Variants in JAM3 observed in about 807,000 individuals in gnomAD.
JAM3 encodes the protein junctional adhesion molecule 3, also known as junctional adhesion molecule C.
In JAM3, 31 loss-of-function variants were observed where a neutral mutation model predicts 39.4. The observed-to-expected ratio is 0.79, with a 90% confidence interval of 0.59 to 1.06. The LOEUF is 1.06. Among genes scored for constraint, JAM3 ranks in the 50% least tolerant of loss-of-function variants. The probability of loss-of-function intolerance (pLI) is 0.00; values close to 1 mark genes in which losing one functional copy is unlikely to be tolerated. For missense variants in JAM3, 455 were observed against 391.4 expected, an observed-to-expected ratio of 1.16 and a Z score of -1.37; for synonymous variants, 182 against 148.7, an observed-to-expected ratio of 1.22 and a Z score of -1.63.
In JAM3 at chr11:134,149,424, G is replaced by A. The variant is rs1943149166; in HGVS notation, c.*243G>A. 2 of 607,534 alleles carry A rather than the reference G, an allele frequency of 3.3e-6. No homozygotes were observed. The highest frequency in any genetic ancestry group is 3.7e-5 in the African/African-American group (2 of 54,326). The allele number at this position is 607,534 out of a possible 1,614,324, so 37.6% of individuals were successfully genotyped here. Reference sequence around the variant, plus strand: ...GGAAGCGAAACTGGGTGCGTTCACTGAGTTGGGTTCCTAATCTGTTTCTGG... The same window carrying A: ...GGAAGCGAAACTGGGTGCGTTCACTAAGTTGGGTTCCTAATCTGTTTCTGG... On this transcript the variant is annotated 3_prime_UTR_variant, in exon 9 of 9. Coordinates refer to ENST00000299106, the MANE Select transcript of JAM3 (RefSeq NM_032801.5).
chr11:134,115,555 C>G (rs527388145), intron 1 of JAM3, among the ~76,000 whole-genome samples: 1 of 152,124 alleles, frequency 6.6e-6, no homozygotes, highest in Non-Finnish European at 1.5e-5. Flanking sequence ...TGCAGAAAGT[C>G]TTCAATTTGA....
chr11:134,120,803 C>T (rs1942516846), intron 1 of JAM3, among the ~76,000 whole-genome samples: 1 of 152,204 alleles, frequency 6.6e-6, no homozygotes, highest in Non-Finnish European at 1.5e-5. Context: ...ATGAGCCAGG[C>T]TCTATGGAAT....
At chr11:134,132,941 T>C (rs534855844) in intron 1 of JAM3, among the ~76,000 whole-genome samples, 141 of 152,368 alleles carry the variant, frequency 9.3e-4, no homozygotes, top group Non-Finnish European at 1.7e-3. Flanking sequence ...GTTTCTGCTC[T>C]GCAGGTTGGG....
intron 1 of JAM3, among the ~76,000 whole-genome samples, chr11:134,083,849 G>C (rs1174983980): frequency 2.0e-5 from 3 of 152,188 alleles, no homozygotes; most frequent in Non-Finnish European, 4.4e-5. Flanking sequence ...CATCATGGCA[G>C]AAATCGCTGG....
chr11:134,122,559 C>T (rs537479359), intron 1 of JAM3, among the ~76,000 whole-genome samples: 43 of 152,198 alleles, frequency 2.8e-4, no homozygotes, highest in Non-Finnish European at 4.7e-4. Context: ...CGTTGCCCAA[C>T]GTTGCTTTTC....
intron 1 of JAM3, among the ~76,000 whole-genome samples, chr11:134,089,066 G>A (rs1941795906): frequency 6.6e-6 from 1 of 152,214 alleles, no homozygotes; most frequent in Non-Finnish European, 1.5e-5. Flanking sequence ...GAGAACTATG[G>A]AATTCCATGC....
In JAM3 at chr11:134,078,211, C is replaced by T. The variant is rs895476849; in HGVS notation, c.76+9052C>T. On this transcript the variant is annotated intron_variant, in intron 1 of 8. Coordinates refer to ENST00000299106, the MANE Select transcript of JAM3 (RefSeq NM_032801.5). ...CTCGGCCCACTGCAACCACCACCTT[C>T]CAAGTTCAAGCGATTCTCCCGCCTC... Among the ~76,000 whole-genome samples the T allele has an allele frequency of 2.6e-5, 4 of 151,726 alleles. No homozygotes were observed. In the South Asian group the frequency reaches 6.3e-4, roughly 24 times the overall value.
In JAM3 at chr11:134,102,206, A is replaced by C. The variant is rs142926602; in HGVS notation, c.76+33047A>C. ...TCATATAAAACCCAGACAGTTCAGC[A>C]GTATTCGCTGTCCTGCAGCCTCCGC... On this transcript the variant is annotated intron_variant, in intron 1 of 8. Coordinates refer to ENST00000299106, the MANE Select transcript of JAM3 (RefSeq NM_032801.5). 2.5e-3 allele frequency among the ~76,000 whole-genome samples: 384 copies of C among 152,328 alleles called. 1 individual carries two copies. The highest frequency in any genetic ancestry group is 8.6e-3 in the African/African-American group (357 of 41,568).
chr11:134,135,796 C>T (rs567809067), intron 1 of JAM3, among the ~76,000 whole-genome samples: 85 of 152,000 alleles, frequency 5.6e-4, no homozygotes, highest in Non-Finnish European at 1.0e-3. Flanking sequence ...TGGCCAGGCG[C>T]GGTGGCCCAC....
chr11:134,144,053 G>C (rs1444591916), intron 3 of JAM3, among the ~76,000 whole-genome samples, 188 bp from the exon 4 acceptor site: 1 of 152,096 alleles, frequency 6.6e-6, no homozygotes, highest in Non-Finnish European at 1.5e-5. Flanking sequence ...TGGTGTTTAG[G>C]TTACAGATAG....
Position 134,144,411 on chromosome 11 carries a change from G to A in JAM3, c.409+18G>A, listed in dbSNP as rs975702687. ...TGTGCAAGGTAGGAGCTCATGCGAA[G>A]GTGAGACATTGCCACCATAGGATGC... On this transcript the variant is annotated intron_variant, in intron 4 of 8. Transcript: ENST00000299106. The A allele has an allele frequency of 1.9e-6, 3 of 1,613,986 alleles. No homozygotes were observed. Among genetic ancestry groups the A allele is most frequent in the Admixed American group, 3.3e-5 (2 of 60,022 alleles).
chr11:134,094,397 A>C (rs1312093062), intron 1 of JAM3, among the ~76,000 whole-genome samples: 1 of 133,416 alleles, frequency 7.5e-6, no homozygotes, highest in Non-Finnish European at 1.6e-5. Flanking sequence ...CTCCTTATTC[A>C]TCATGTTCCA....
Position 134,145,956 on chromosome 11 carries a change from C to G in JAM3, c.623C>G (p.Ala208Gly), listed in dbSNP as rs765652742. 4.3e-6 allele frequency: 7 copies of G among 1,611,844 alleles called. No homozygotes were observed. The highest frequency in any genetic ancestry group is 1.7e-6 in the Non-Finnish European group (2 of 1,177,884). ...NSETGTLVFTAVHKDDSGQYY... is the reference protein window; with the variant it reads ...NSETGTLVFTGVHKDDSGQYY... ...CATTCCCTGAAACAGGTGTTCACTG[C>G]TGTTCACAAGGACGACTCTGGGCAG... The change falls in exon 6 of 9, where the codon GCT becomes GGT. Residue 208 changes from alanine (A) to glycine (G), a missense_variant. Transcript: ENST00000299106.
chr11:134,126,835 G>A (rs1290087052), intron 1 of JAM3, among the ~76,000 whole-genome samples: 1 of 152,186 alleles, frequency 6.6e-6, no homozygotes, highest in East Asian at 1.9e-4. Flanking sequence ...AAATCCCACT[G>A]ATTATTAGCT....
chr11:134,125,012 C>T (rs952090539), intron 1 of JAM3, among the ~76,000 whole-genome samples: 1 of 152,236 alleles, frequency 6.6e-6, no homozygotes, highest in Admixed American at 6.5e-5. Context: ...CCTCAGCGCG[C>T]GACACCCGCC....
chr11:134,121,853 C>A (rs879658946), intron 1 of JAM3, among the ~76,000 whole-genome samples: 6 of 139,484 alleles, frequency 4.3e-5, no homozygotes, highest in East Asian at 2.0e-4. Context: ...ACACACACAC[C>A]CTCCTCCCAA....
At chr11:134,131,449 C>A (rs1233808179) in intron 1 of JAM3, among the ~76,000 whole-genome samples, 1 of 151,896 alleles carries the variant, frequency 6.6e-6, no homozygotes, top group African/African-American at 2.4e-5. Context: ...GGAGGGGGGA[C>A]AATCTGATTT....
chr11:134,081,730 G>T (rs373908572), intron 1 of JAM3, among the ~76,000 whole-genome samples: 1 of 152,216 alleles, frequency 6.6e-6, no homozygotes, highest in African/African-American at 2.4e-5. Context: ...CCTACACAGA[G>T]TCCCTACTGG....
chr11:134,129,928 G>A (rs1326862878), intron 1 of JAM3, among the ~76,000 whole-genome samples: 1 of 152,110 alleles, frequency 6.6e-6, no homozygotes, highest in Non-Finnish European at 1.5e-5. Context: ...CTTAAACATG[G>A]GAGGCGGAAG....
Sources: gnomAD v4.1 joint callset for allele counts (sites outside exome capture counted in the v4.1 genomes callset) on GRCh38, gnomAD v4.1.1 for gene constraint, MANE v1.5 for transcripts, NCBI Gene and HGNC (gene_info 2026-07-23, HGNC 2026-07-21) for gene names.